Variants in CPEB3 observed in about 807,000 individuals in gnomAD.
CPEB3 encodes cytoplasmic polyadenylation element binding protein 3, also known as cytoplasmic polyadenylation element-binding protein 3.
CPEB3 carries 20 observed loss-of-function variants against 67.2 expected under a neutral mutation model. That is an observed-to-expected ratio of 0.30 (90% CI 0.21 to 0.43). The LOEUF is 0.43. Ranked by LOEUF, CPEB3 falls within the 20% of genes least tolerant of loss-of-function variation. The pLI is 1.00. For missense variants in CPEB3, 746 were observed against 968.6 expected, an observed-to-expected ratio of 0.77 and a Z score of 3.05; for synonymous variants, 376 against 393.1, an observed-to-expected ratio of 0.96 and a Z score of 0.51.
intron 7 of CPEB3, among the ~76,000 whole-genome samples, chr10:92,105,715 GTTTT>G (rs999673116): frequency 1.8e-5 from 2 of 109,704 alleles, no homozygotes; most frequent in South Asian, 2.7e-4. Context: ...TGTTTTGTGG[GTTTT>G]TTTTTTTTTT....
intron 1 of CPEB3, among the ~76,000 whole-genome samples, chr10:92,255,055 T>C (rs1852463199): frequency 6.6e-6 from 1 of 152,066 alleles, no homozygotes; most frequent in South Asian, 2.1e-4. Flanking sequence ...TAGGTAGTAA[T>C]GTCTCCAATT....
intron 2 of CPEB3, among the ~76,000 whole-genome samples, chr10:92,232,272 C>T (rs1462109718): frequency 6.6e-6 from 1 of 150,744 alleles, no homozygotes; most frequent in African/African-American, 2.4e-5. Context: ...CCAGGTTGGT[C>T]TCGAACTCCT....
chr10:92,064,911 AG>A (rs1842488869), intron 9 of CPEB3, among the ~76,000 whole-genome samples: 1 of 152,240 alleles, frequency 6.6e-6, no homozygotes, highest in South Asian at 2.1e-4. Context: ...GGTATACCTC[AG>A]TAATGAGGAA....
intron 9 of CPEB3, among the ~76,000 whole-genome samples, chr10:92,073,620 T>G (rs1320227501): frequency 6.6e-6 from 1 of 151,892 alleles, no homozygotes; most frequent in Admixed American, 6.6e-5. Flanking sequence ...AAAAAAAAAT[T>G]TTTTTTTGGC....
rs1165685753 is a variant in CPEB3 at position 92,216,322 on chromosome 10, G to A, written c.1005+23024C>T. 11 of 1,586,310 alleles carry A rather than the reference G, an allele frequency of 6.9e-6. No individual in the cohort carries two copies. The South Asian group carries it at 7.9e-5, about 11-fold the overall frequency. ...AGCCTCCCTGGGACTAGGTTTCAGC[G>A]GCCGCTGCGATGACCAAAATAAAGG... On this transcript the variant is annotated intron_variant, in intron 2 of 9. Transcript: ENST00000265997.
At chr10:92,271,466 G>A (rs1191008307) in intron 1 of CPEB3, among the ~76,000 whole-genome samples, 1 of 152,084 alleles carries the variant, frequency 6.6e-6, no homozygotes, top group Non-Finnish European at 1.5e-5. Context: ...TTTAATCTGG[G>A]ACAGTTCCTC....
rs148524068 is a variant in CPEB3, at chr10:92,204,707, T to G, written c.1006-12071A>C. ...ACAAAAAACCCCTTGAATCTCAAGT[T>G]TATTGTACAACTCTAATTCCAGATA... On this transcript the variant is annotated intron_variant, in intron 2 of 9. Transcript: ENST00000265997. 1.1e-3 allele frequency among the ~76,000 whole-genome samples: 174 copies of G among 152,250 alleles called. 1 individual carries two copies. Among genetic ancestry groups the G allele is most frequent in the Admixed American group, 8.8e-3 (135 of 15,286 alleles).
At chr10:92,216,428 C>T (rs1850397968) in intron 2 of CPEB3, 1 of 1,612,498 alleles carries the variant, frequency 6.2e-7, no homozygotes, top group African/African-American at 1.3e-5. Flanking sequence ...CAACCAGAAC[C>T]CCATCGCGCA....
intron 1 of CPEB3, among the ~76,000 whole-genome samples, chr10:92,261,572 C>G (rs1852801587): frequency 1.3e-5 from 2 of 152,072 alleles, no homozygotes; most frequent in African/African-American, 4.8e-5. Flanking sequence ...CTCAGCCTCC[C>G]AAGTAGCTGG....
At chr10:92,130,300 T>G (rs1012260553) in intron 6 of CPEB3, among the ~76,000 whole-genome samples, 34 of 152,074 alleles carry the variant, frequency 2.2e-4, no homozygotes, top group African/African-American at 7.5e-4. Context: ...AGAGAACTTA[T>G]CAGTTTGTAA....
chr10:92,127,000 T>G (rs1456499072), intron 6 of CPEB3, among the ~76,000 whole-genome samples: 1 of 152,196 alleles, frequency 6.6e-6, no homozygotes, highest in African/African-American at 2.4e-5. Context: ...GAGCCAAGTA[T>G]GCAAAGTACT....
intron 8 of CPEB3, among the ~76,000 whole-genome samples, chr10:92,087,739 A>G (rs1843432782): frequency 6.6e-6 from 1 of 152,220 alleles, no homozygotes; most frequent in African/African-American, 2.4e-5. Flanking sequence ...CAGAGTGAAG[A>G]GATATGCATT....
chr10:92,090,784 T>G (rs1353736798), intron 8 of CPEB3, among the ~76,000 whole-genome samples: 1 of 152,218 alleles, frequency 6.6e-6, no homozygotes, highest in East Asian at 1.9e-4. Context: ...TTTTCACGTT[T>G]GAATTAGCCC....
At chr10:92,143,349 C>G (rs996872743) in intron 5 of CPEB3, among the ~76,000 whole-genome samples, 7 of 152,274 alleles carry the variant, frequency 4.6e-5, no homozygotes, top group Admixed American at 2.0e-4. Flanking sequence ...CATTTCCTTT[C>G]ACTGCCAATA....
At chr10:92,092,969 C>T (rs976397855) in intron 7 of CPEB3, among the ~76,000 whole-genome samples, 1 of 152,132 alleles carries the variant, frequency 6.6e-6, no homozygotes, top group African/African-American at 2.4e-5. Context: ...ATAGTTTGTA[C>T]TATTTTATCA....
intron 3 of CPEB3, among the ~76,000 whole-genome samples, chr10:92,190,718 A>G (rs1274231889): frequency 6.7e-6 from 1 of 148,466 alleles, no homozygotes; most frequent in Non-Finnish European, 1.5e-5. Flanking sequence ...AGGAAAAACC[A>G]GATAGTAGAG....
chr10:92,192,139 A>G (rs112958753), intron 3 of CPEB3, among the ~76,000 whole-genome samples: 22 of 152,298 alleles, frequency 1.4e-4, no homozygotes, highest in African/African-American at 4.6e-4. Flanking sequence ...GTATATATAC[A>G]TGGACTTAAA....
chr10:92,142,336 A>T (rs1198448238), intron 6 of CPEB3, among the ~76,000 whole-genome samples: 1 of 152,258 alleles, frequency 6.6e-6, no homozygotes, highest in Non-Finnish European at 1.5e-5. Flanking sequence ...TACAGAATGT[A>T]ACACAAACAA....
intron 4 of CPEB3, among the ~76,000 whole-genome samples, chr10:92,165,820 A>G (rs925629409): frequency 6.6e-6 from 1 of 152,184 alleles, no homozygotes; most frequent in African/African-American, 2.4e-5. Context: ...AGATTATAAC[A>G]ATTTGGTCAC....
Sources: gnomAD v4.1 joint callset for allele counts (sites outside exome capture counted in the v4.1 genomes callset) on GRCh38, gnomAD v4.1.1 for gene constraint, MANE v1.5 for transcripts, NCBI Gene and HGNC (gene_info 2026-07-23, HGNC 2026-07-21) for gene names.